The following LIMD1 variants were observed in gnomAD, a reference collection of about 807,000 sequenced individuals.
The protein encoded by LIMD1 is LIM domain-containing protein 1.
In LIMD1, 23 loss-of-function variants were observed where a neutral mutation model predicts 58.4. The observed-to-expected ratio is 0.39, with a 90% CI of 0.28 to 0.56. The LOEUF (loss-of-function observed/expected upper bound fraction) is 0.56. LIMD1 is among the 20% of genes least tolerant of loss of function. LIMD1 has a pLI of 0.57. For missense variants in LIMD1, 838 were observed against 855.5 expected, an observed-to-expected ratio of 0.98 and a Z score of 0.25; for synonymous variants, 334 against 345.5, an observed-to-expected ratio of 0.97 and a Z score of 0.37.
Position 45,607,736 on chromosome 3 carries a change from C to T in LIMD1, c.1408+11449C>T, listed in dbSNP as rs141573787. ...GGGTGAGCACATATTCCAGCAGGCC[C>T]GAGCTGGCCAGCATGTGACGGCCAT... On this transcript the variant is annotated intron_variant, in intron 1 of 7. Transcript: ENST00000273317. Among the ~76,000 whole-genome samples the T allele has an allele frequency of 4.4e-4, 67 of 152,270 alleles. 1 individual carries two copies. Among genetic ancestry groups the T allele is most frequent in the African/African-American group, 1.5e-3 (62 of 41,558 alleles).
At chr3:45,628,885 G>C (rs1210831787) in intron 1 of LIMD1, among the ~76,000 whole-genome samples, 1 of 152,310 alleles carries the variant, frequency 6.6e-6, no homozygotes, top group East Asian at 1.9e-4. Context: ...TTTATATTGA[G>C]TGAAAGAAAC....
At chr3:45,640,209 A>G (rs1055198877) in intron 2 of LIMD1, among the ~76,000 whole-genome samples, 3 of 152,052 alleles carry the variant, frequency 2.0e-5, no homozygotes, top group African/African-American at 4.8e-5. Context: ...CCTGTTTCCT[A>G]TTCCAGTCAA....
intron 1 of LIMD1, among the ~76,000 whole-genome samples, chr3:45,609,108 T>G (rs937628429): frequency 6.6e-6 from 1 of 152,214 alleles, no homozygotes; most frequent in Non-Finnish European, 1.5e-5. Flanking sequence ...AACTTGTGCC[T>G]GGTAGTAGCT....
intron 1 of LIMD1, among the ~76,000 whole-genome samples, chr3:45,633,772 G>T (rs1034079765): frequency 1.3e-5 from 2 of 152,226 alleles, no homozygotes; most frequent in African/African-American, 4.8e-5. Flanking sequence ...TGGCAGAGGG[G>T]CTTTCTCCTT....
intron 1 of LIMD1, among the ~76,000 whole-genome samples, chr3:45,604,522 A>G (rs1382265616): frequency 6.6e-6 from 1 of 152,140 alleles, no homozygotes; most frequent in East Asian, 1.9e-4. Context: ...GTGGGGAAGG[A>G]CAGCCAGTGC....
chr3:45,637,015 G>A (rs1701796074), intron 2 of LIMD1, among the ~76,000 whole-genome samples: 1 of 152,136 alleles, frequency 6.6e-6, no homozygotes, highest in African/African-American at 2.4e-5. Flanking sequence ...CCTATACTGA[G>A]GCTAACAGCT....
chr3:45,596,131 C>T lies in LIMD1; in HGVS notation c.1252C>T (p.Leu418Phe). The change falls in exon 1 of 8, where the codon CTC becomes TTC. Residue 418 changes from leucine (L) to phenylalanine (F), a missense_variant. Physicochemically the swap from Leu to Phe is conservative, Grantham distance 22. Coordinates refer to ENST00000273317, the MANE Select transcript of LIMD1 (RefSeq NM_014240.3). Reference sequence around the variant, plus strand: ...TTCTGATGGTAGCCTGGGATCTGTGCTCCTGGACAGCCCCAGCTCCCCTAG... The same window carrying T: ...TTCTGATGGTAGCCTGGGATCTGTGTTCCTGGACAGCCCCAGCTCCCCTAG... ...WSSDGSLGSVLLDSPSSPRVR... is the reference protein window; with the variant it reads ...WSSDGSLGSVFLDSPSSPRVR... The T allele has an allele frequency of 6.2e-7, 1 of 1,614,202 alleles. No homozygotes were observed.
At chr3:45,649,593 A>G (rs1277465438) in intron 2 of LIMD1, among the ~76,000 whole-genome samples, 1 of 150,716 alleles carries the variant, frequency 6.6e-6, no homozygotes, top group African/African-American at 2.4e-5. Context: ...AGGCAGCAGA[A>G]TGGCGTGAAC....
chr3:45,630,717 G>T (rs79542992), intron 1 of LIMD1, among the ~76,000 whole-genome samples: 5,969 of 152,004 alleles, frequency 0.039, 176 homozygotes, highest in Middle Eastern at 0.068. Context: ...ATGATGGGGG[G>T]GGTTGGGGGG....
Position 45,595,656 on chromosome 3 carries a change from A to T in LIMD1, c.777A>T (p.Pro259=), listed in dbSNP as rs1461482864. The part of the protein sequence containing the change: ...SGIGGRSSEK[P]TGLWSTASSQ... ...TTGGTGGCCGCAGCAGCGAGAAGCC[A>T]ACAGGCCTTTGGTCCACTGCCTCCT... Residue 259 remains proline (P), a synonymous_variant, in exon 1 of 8, where the codon CCA becomes CCT. Transcript: ENST00000273317. 2 of 1,614,160 alleles carry T rather than the reference A, an allele frequency of 1.2e-6. No homozygotes were observed. Among genetic ancestry groups the T allele is most frequent in the Non-Finnish European group, 1.7e-6 (2 of 1,180,022 alleles).
At chr3:45,651,300 G>A (rs1701972628) in intron 2 of LIMD1, among the ~76,000 whole-genome samples, 1 of 151,414 alleles carries the variant, frequency 6.6e-6, no homozygotes, top group Non-Finnish European at 1.5e-5. Flanking sequence ...TCACTCTGAT[G>A]GTAGTTTCTT....
intron 6 of LIMD1, chr3:45,673,726 C>A: frequency 1.7e-6 from 1 of 581,098 alleles, no homozygotes; most frequent in East Asian, 2.9e-5. Context: ...ACAGCCTGGG[C>A]AACATAGCAA....
At chr3:45,646,954 C>A (rs1251396132) in intron 2 of LIMD1, among the ~76,000 whole-genome samples, 1 of 152,192 alleles carries the variant, frequency 6.6e-6, no homozygotes. Context: ...GTGCAAGCCA[C>A]AATGCCCGGC....
chr3:45,651,558 C>A (rs1364563999), intron 2 of LIMD1, among the ~76,000 whole-genome samples: 1 of 152,078 alleles, frequency 6.6e-6, no homozygotes. Flanking sequence ...ATATGGCTAG[C>A]CAGTTTTCCC....
rs57091993 is a variant in LIMD1, at chr3:45,594,778, AACACACACACAC to A, written c.-47_-36del. 6,333 of 730,386 alleles carry A rather than the reference AACACACACACAC, an allele frequency of 8.7e-3. 91 individuals carry two copies. Among genetic ancestry groups the A allele is most frequent in the African/African-American group, 0.022 (832 of 37,948 alleles). 45.2% of individuals were successfully genotyped at this position (730,386 alleles called of 1,614,324 possible). A position where few individuals can be genotyped will look rare whatever the true frequency, so the allele number is the denominator to read the frequency against. Reference sequence around the variant, plus strand: ...TCGCCAGCATCTCCCCGCTGCCCTCAACACACACACACACACACACACACACACACACACACA... The same window carrying A: ...TCGCCAGCATCTCCCCGCTGCCCTCAACACACACACACACACACACACACA... On this transcript the variant is annotated 5_prime_UTR_variant, in exon 1 of 8. Coordinates refer to ENST00000273317, the MANE Select transcript of LIMD1 (RefSeq NM_014240.3).
intron 1 of LIMD1, chr3:45,634,901 A>G (rs915854767): frequency 6.6e-6 from 1 of 152,240 alleles, no homozygotes; most frequent in Admixed American, 6.5e-5. Flanking sequence ...TACAGGAGTC[A>G]CGGGTAGGTG....
chr3:45,630,386 A>G lies in LIMD1; in HGVS notation c.1409-5764A>G, dbSNP rs1159659534. Reference sequence around the variant, plus strand: ...GTGCAGTCACCCTGCTCCCTATCCCATAGCCAGCGTCTGGAGAGGGGCTGG... The same window carrying G: ...GTGCAGTCACCCTGCTCCCTATCCCGTAGCCAGCGTCTGGAGAGGGGCTGG... On this transcript the variant is annotated intron_variant, in intron 1 of 7. Transcript: ENST00000273317. Among the ~76,000 whole-genome samples, 6 of 152,242 alleles carry G rather than the reference A, an allele frequency of 3.9e-5. 1 individual carries two copies. In the South Asian group the frequency reaches 1.2e-3, roughly 32 times the overall value.
rs2125671813 is a variant in LIMD1, at chr3:45,677,020, G to A, written c.1992G>A (p.Lys664=). Residue 664 remains lysine, a synonymous_variant, in exon 8 of 8, where the codon AAG becomes AAA. Transcript: ENST00000273317. ...CHSCHVKRLE[K]RPSSTALHQH... ...CCTGCCACGTGAAGAGGCTGGAGAA[G>A]AGACCCTCATCTACAGCCCTTCACC... 2 of 1,614,144 alleles carry A rather than the reference G, an allele frequency of 1.2e-6. No homozygotes were observed. The highest frequency in any genetic ancestry group is 1.7e-6 in the Non-Finnish European group (2 of 1,180,038).
At chr3:45,666,760 C>G (rs533658711) in intron 3 of LIMD1, among the ~76,000 whole-genome samples, 4 of 152,302 alleles carry the variant, frequency 2.6e-5, no homozygotes, top group African/African-American at 9.6e-5. Flanking sequence ...CATGCGTCTT[C>G]ACCTTCACAC....
Sources: allele counts gnomAD v4.1 joint callset (sites outside exome capture counted in the v4.1 genomes callset), GRCh38; gene constraint gnomAD v4.1.1; transcripts MANE v1.5; gene names NCBI Gene and HGNC (gene_info 2026-07-23, HGNC 2026-07-21).